The following CAMTA1 variants were observed in gnomAD, a reference collection of about 807,000 sequenced individuals.
CAMTA1 encodes calmodulin binding transcription activator 1.
A neutral mutation model predicts 170.9 loss-of-function variants in CAMTA1; 27 were observed. The ratio of observed to expected loss-of-function variants is 0.16; its 90% CI spans 0.12 to 0.22. The LOEUF is 0.22. Ranked by LOEUF, CAMTA1 falls within the 10% of genes least tolerant of loss-of-function variation. The pLI is 1.00. For missense variants in CAMTA1, 1,619 were observed against 2,217.2 expected (o/e 0.73, Z 5.42); for synonymous variants, 833 against 891.5 (o/e 0.93, Z 1.17).
intron 3 of CAMTA1, among the ~76,000 whole-genome samples, chr1:6,962,636 CCT>C (rs1387175821): frequency 6.7e-6 from 1 of 148,586 alleles, no homozygotes; most frequent in African/African-American, 2.5e-5. Context: ...TGGACCCACC[CCT>C]CTTTCCTCTG....
rs2092923356 is a variant in CAMTA1 at position 7,455,254 on chromosome 1, C to A, written c.439-12576C>A. On this transcript the variant is annotated intron_variant, in intron 5 of 22. Transcript: ENST00000303635. This position sits in a 1 kb window ranked among gnomAD's most constrained non-coding sequence, Gnocchi z 5.0. ...TGGTTCTGCGTGTGTGTTTCCGACA[C>A]TGGCTCCCAGGTGGAAGGCCTGATG... Among the ~76,000 whole-genome samples the A allele has an allele frequency of 1.3e-5, 2 of 152,226 alleles. No individual in the cohort carries two copies. Among genetic ancestry groups the A allele is most frequent in the African/African-American group, 4.8e-5 (2 of 41,466 alleles).
In CAMTA1 at chr1:6,909,266, T is replaced by A. The variant is rs915578341; in HGVS notation, c.234+84056T>A. 2.0e-5 allele frequency among the ~76,000 whole-genome samples: 3 copies of A among 152,374 alleles called. No homozygotes were observed. In the South Asian group the frequency reaches 6.2e-4, roughly 32 times the overall value. Reference sequence around the variant, plus strand: ...ACACACAAAGTCACCTAATACTACTTAATAATACCTAGTACCTAATATTTG... The same window carrying A: ...ACACACAAAGTCACCTAATACTACTAAATAATACCTAGTACCTAATATTTG... On this transcript the variant is annotated intron_variant, in intron 3 of 22. Coordinates refer to ENST00000303635, the MANE Select transcript of CAMTA1 (RefSeq NM_015215.4).
chr1:7,199,079 G>T (rs192448439), intron 4 of CAMTA1, among the ~76,000 whole-genome samples: 3 of 152,196 alleles, frequency 2.0e-5, no homozygotes, highest in African/African-American at 7.2e-5. Context: ...TCCCCTAAGC[G>T]CCTGGAGGTT....
At chr1:6,886,160 A>G (rs1354456585) in intron 3 of CAMTA1, 3 of 453,968 alleles carry the variant, frequency 6.6e-6, no homozygotes, top group Non-Finnish European at 1.3e-5. Flanking sequence ...CAGTGGGGTA[A>G]CATACCTTCA....
intron 3 of CAMTA1, among the ~76,000 whole-genome samples, chr1:7,086,327 C>T (rs1264937898): frequency 6.6e-6 from 1 of 152,050 alleles, no homozygotes; most frequent in Admixed American, 6.5e-5. Context: ...CACACGTGGT[C>T]CTTAGGGCTC....
At position 7,453,125 on chromosome 1, in the gene CAMTA1, G is replaced by A. The variant is rs1047089237; in HGVS notation, c.439-14705G>A. ...CCCTAGGGGAAGCTTTGGAGAGTCCGAGCTCCCAGCAGCATCTGGTGGCAG... is the reference window on the plus strand; with the variant it reads ...CCCTAGGGGAAGCTTTGGAGAGTCCAAGCTCCCAGCAGCATCTGGTGGCAG... On this transcript the variant is annotated intron_variant, in intron 5 of 22. Transcript: ENST00000303635. 5.3e-5 allele frequency among the ~76,000 whole-genome samples: 8 copies of A among 152,352 alleles called. No individual in the cohort carries two copies. The South Asian group carries it at 1.5e-3, about 28-fold the overall frequency.
intron 5 of CAMTA1, among the ~76,000 whole-genome samples, chr1:7,264,418 G>A (rs1166786396): frequency 6.6e-6 from 1 of 152,214 alleles, no homozygotes; most frequent in African/African-American, 2.4e-5. Flanking sequence ...GTTTCCTTCT[G>A]GCGCAGGAGT....
chr1:7,295,243 G>A (rs1673760006), intron 5 of CAMTA1, among the ~76,000 whole-genome samples: 1 of 152,194 alleles, frequency 6.6e-6, no homozygotes, highest in Admixed American at 6.5e-5. Flanking sequence ...TGGGAACAGT[G>A]CCTCACACAT....
At position 7,758,315 on chromosome 1, in the gene CAMTA1, C is replaced by A. The variant is rs539554934; in HGVS notation, c.4989+2647C>A. 8.5e-5 allele frequency among the ~76,000 whole-genome samples: 13 copies of A among 152,292 alleles called. 1 individual carries two copies. The South Asian group carries it at 2.7e-3, about 32-fold the overall frequency. On this transcript the variant is annotated intron_variant, in intron 22 of 22. Coordinates refer to ENST00000303635, the MANE Select transcript of CAMTA1 (RefSeq NM_015215.4). The stretch of plus-strand genomic sequence containing the variant: ...CAATTTCTTTAATGCCTGCTGCATT[C>A]TATTGTGAACTCCTAAAACTCCTAC...
chr1:7,122,829 C>T (rs886312668), intron 4 of CAMTA1, among the ~76,000 whole-genome samples: 4 of 152,318 alleles, frequency 2.6e-5, no homozygotes, highest in African/African-American at 7.2e-5. Flanking sequence ...CTCTCTCCCT[C>T]CATCACACCT....
At chr1:7,708,989 C>T (rs2096548745) in intron 11 of CAMTA1, among the ~76,000 whole-genome samples, 1 of 152,176 alleles carries the variant, frequency 6.6e-6, no homozygotes, top group South Asian at 2.1e-4. Flanking sequence ...CCACCCCATA[C>T]ATCATGTTTC....
intron 5 of CAMTA1, among the ~76,000 whole-genome samples, chr1:7,371,232 C>T (rs1015406868): frequency 7.9e-6 from 1 of 126,600 alleles, no homozygotes; most frequent in South Asian, 3.0e-4. Flanking sequence ...CTTTCTAATG[C>T]TCTGGGTTTT....
chr1:7,645,625 C>T (rs932525651), intron 7 of CAMTA1, among the ~76,000 whole-genome samples: 5 of 152,244 alleles, frequency 3.3e-5, no homozygotes, highest in South Asian at 2.1e-4. Context: ...TTCGAAGGCC[C>T]GGAAATCAGC....
chr1:7,508,528 T>G (rs12063665), intron 6 of CAMTA1, among the ~76,000 whole-genome samples: 6,061 of 152,282 alleles, frequency 0.04, 231 homozygotes, highest in African/African-American at 0.1. Context: ...TTGACAGGTA[T>G]GACCTCCCTG....
chr1:7,352,205 G>A (rs910830264), intron 5 of CAMTA1, among the ~76,000 whole-genome samples: 1 of 152,120 alleles, frequency 6.6e-6, no homozygotes, highest in Non-Finnish European at 1.5e-5. Context: ...GAAAAGTGAG[G>A]AGGGGAGAGA....
chr1:7,161,660 A>T (rs1048876346), intron 4 of CAMTA1, among the ~76,000 whole-genome samples: 1 of 152,190 alleles, frequency 6.6e-6, no homozygotes, highest in African/African-American at 2.4e-5. Flanking sequence ...CATGATTGTG[A>T]GGCCTCCCCA....
intron 6 of CAMTA1, among the ~76,000 whole-genome samples, chr1:7,558,490 C>T (rs539948199): frequency 0.014 from 2,185 of 152,366 alleles, 48 homozygotes; most frequent in African/African-American, 0.049. Flanking sequence ...AGGAACTCGG[C>T]TCCCTTCTCC....
At chr1:7,560,319 G>C (rs1249623380) in intron 6 of CAMTA1, among the ~76,000 whole-genome samples, 2 of 152,200 alleles carry the variant, frequency 1.3e-5, no homozygotes, top group African/African-American at 4.8e-5. Context: ...CCTGAGGCAG[G>C]TGCTGAGGCT....
Position 7,664,650 on chromosome 1 carries a change from C to T in CAMTA1, c.2103C>T (p.Ser701=), listed in dbSNP as rs1162077621. 3.1e-6 allele frequency: 5 copies of T among 1,605,978 alleles called. No homozygotes were observed. The African/African-American group carries it at 5.4e-5, about 17-fold the overall frequency. The change falls in exon 9 of 23, where the codon AGC becomes AGT. Residue 701 remains serine, a synonymous_variant. Transcript: ENST00000303635. ...AGACCTCGCAGGCGGCGGAAGGGAG[C>T]GAGGTCCTGCTCAAGTCTGGGGAGC... ...TMETSQAAEG[S]EVLLKSGELQ...
Sources: allele counts gnomAD v4.1 joint callset (sites outside exome capture counted in the v4.1 genomes callset), GRCh38; gene constraint gnomAD v4.1.1; non-coding constraint Gnocchi (gnomAD v3.1); transcripts MANE v1.5; gene names NCBI Gene and HGNC (gene_info 2026-07-23, HGNC 2026-07-21).